ZKSCAN8: variants seen among roughly 807,000 people sequenced by gnomAD.
ZKSCAN8 encodes zinc finger protein with KRAB and SCAN domains 8.
In ZKSCAN8, 27 loss-of-function variants were observed where a neutral mutation model predicts 57.2. The ratio of observed to expected loss-of-function variants is 0.47; its 90% CI spans 0.35 to 0.65. The LOEUF (loss-of-function observed/expected upper bound fraction) is 0.65. ZKSCAN8 is among the 30% of genes least tolerant of loss of function. The pLI is 0.01. For synonymous variants in ZKSCAN8, 214 were observed against 248.7 expected, an observed-to-expected ratio of 0.86 and a Z score of 1.31; for missense variants, 597 against 696.3, an observed-to-expected ratio of 0.86 and a Z score of 1.60.
At chr6:28,145,723 C>T (rs917767211) in intron 1 of ZKSCAN8, among the ~76,000 whole-genome samples, 2 of 152,224 alleles carry the variant, frequency 1.3e-5, no homozygotes, top group Admixed American at 1.3e-4. Context: ...CTTCTGTAGT[C>T]ACTTAGCTCT....
chr6:28,141,681 T>A (rs1765218091), upstream of ZKSCAN8, among the ~76,000 whole-genome samples: 1 of 152,190 alleles, frequency 6.6e-6, no homozygotes, highest in South Asian at 2.1e-4. Context: ...CAAGGTCCGT[T>A]ATTCCCCAGC....
In ZKSCAN8 at chr6:28,153,774, C is replaced by A; in HGVS notation, c.1494C>A (p.Ala498=). The A allele has an allele frequency of 6.2e-7, 1 of 1,613,790 alleles. No individual in the cohort carries two copies. Among genetic ancestry groups the A allele is most frequent in the Non-Finnish European group, 8.5e-7 (1 of 1,179,864 alleles). Residue 498 remains alanine (A), a synonymous_variant, in exon 6 of 6, where the codon GCC becomes GCA. Coordinates refer to ENST00000330236, the MANE Select transcript of ZKSCAN8 (RefSeq NM_006298.4). ...KPYKCNECGR[A]FSQKSGLIEH... ...ACAAATGCAATGAGTGTGGGAGGGC[C>A]TTCAGTCAGAAGTCAGGCCTTATTG...
chr6:28,149,765 G>T (rs878974960), intron 3 of ZKSCAN8, 141 bp downstream of exon 3: 2 of 874,178 alleles, frequency 2.3e-6, no homozygotes, highest in Non-Finnish European at 3.3e-6. Flanking sequence ...AAATGTTTAG[G>T]CTTCAAATAT....
chr6:28,153,661 C>T lies in ZKSCAN8; in HGVS notation c.1381C>T (p.Pro461Ser). Residue 461 changes from proline (P) to serine (S), a missense_variant, in exon 6 of 6, where the codon CCC becomes TCC. Pro to Ser is a moderately conservative substitution (Grantham distance 74). Transcript: ENST00000330236. ...TCAGAGAATCCACACTGGGGAGAAG[C>T]CCTATGAGTGTGATGAGTGTGGGAA... Reference protein sequence around the residue: ...GHQRIHTGEKPYECDECGKTF... With the variant: ...GHQRIHTGEKSYECDECGKTF... 6.2e-7 allele frequency: 1 copy of T among 1,613,760 alleles called. No individual in the cohort carries two copies. The highest frequency in any genetic ancestry group is 8.5e-7 in the Non-Finnish European group (1 of 1,179,932).
At chr6:28,142,779 CAT>C (rs1183120718) in intron 1 of ZKSCAN8, among the ~76,000 whole-genome samples, 3 of 152,152 alleles carry the variant, frequency 2.0e-5, no homozygotes, top group Admixed American at 2.0e-4. Context: ...TTAGCAAATA[CAT>C]ACATGTTTTG....
chr6:28,149,374 G>T, intron 2 of ZKSCAN8, 109 bp from the exon 3 acceptor site: 1 of 1,385,572 alleles, frequency 7.2e-7, no homozygotes, highest in South Asian at 1.4e-5. Context: ...AGATTCTGCT[G>T]CTTCCTTCCC....
At position 28,149,509 on chromosome 6, in the gene ZKSCAN8, G is replaced by A. The variant is rs112243146; in HGVS notation, c.444G>A (p.Arg148=). ...RPVSARVHGH[R]VLWEEVVHSA... Reference sequence around the variant, plus strand: ...TCTCAGCTCGCGTACATGGACATAGGGTACTCTGGGAGGAGGTAGTACATT... The same window carrying A: ...TCTCAGCTCGCGTACATGGACATAGAGTACTCTGGGAGGAGGTAGTACATT... The change falls in exon 3 of 6, where the codon AGG becomes AGA. Residue 148 remains arginine, a synonymous_variant. Transcript: ENST00000330236. The A allele has an allele frequency of 2.6e-3, 4,250 of 1,614,004 alleles. 165 individuals carry two copies. In the South Asian group the frequency reaches 0.042, roughly 16 times the overall value.
At chr6:28,148,125 A>G (rs1321780100) in intron 1 of ZKSCAN8, among the ~76,000 whole-genome samples, 191 bp from the exon 2 acceptor site, 1 of 152,124 alleles carries the variant, frequency 6.6e-6, no homozygotes, top group African/African-American at 2.4e-5. Context: ...GGGTTTTTCT[A>G]TGGATGGGTT....
rs1003540435 is a variant in ZKSCAN8, at chr6:28,148,630, C to T, written c.223C>T (p.Leu75Phe). The change falls in exon 2 of 6, where the codon CTT becomes TTT. Residue 75 changes from leucine to phenylalanine, a missense_variant. Leu to Phe is a conservative substitution (Grantham distance 22). Coordinates refer to ENST00000330236, the MANE Select transcript of ZKSCAN8 (RefSeq NM_006298.4). Reference protein sequence around the residue: ...PREALIQLRALCHQWLRPDLN... With the variant: ...PREALIQLRAFCHQWLRPDLN... The stretch of plus-strand genomic sequence containing the variant: ...AGAAGCTCTGATCCAACTACGGGCC[C>T]TTTGCCATCAGTGGCTGAGGCCAGA... The T allele has an allele frequency of 6.2e-7, 1 of 1,614,128 alleles. No homozygotes were observed. Among genetic ancestry groups the T allele is most frequent in the Non-Finnish European group, 8.5e-7 (1 of 1,180,026 alleles).
chr6:28,152,526 T>A, intron 5 of ZKSCAN8, 142 bp downstream of exon 5: 1 of 1,203,170 alleles, frequency 8.3e-7, no homozygotes, highest in Non-Finnish European at 1.1e-6. Flanking sequence ...TGAGATTTCT[T>A]GAAATCTTAC....
intron 1 of ZKSCAN8, among the ~76,000 whole-genome samples, chr6:28,142,763 A>G (rs1765260907): frequency 6.6e-6 from 1 of 152,206 alleles, no homozygotes; most frequent in South Asian, 2.1e-4. Context: ...CGTAGCAATC[A>G]TTGTTTTAGC....
Position 28,159,403 on chromosome 6 carries a change from G to C in ZKSCAN8, c.*5386G>C, listed in dbSNP as rs1026463249. On this transcript the variant is annotated 3_prime_UTR_variant, in exon 6 of 6. Transcript: ENST00000330236. ...TTTACATTTGTATCTCTGCACCCCC[G>C]AGTGCCTAGTATAGTGCTGAGCACA... 6.6e-6 allele frequency: 1 copy of C among 152,192 alleles called. No homozygotes were observed. Among genetic ancestry groups the C allele is most frequent in the African/African-American group, 2.4e-5 (1 of 41,448 alleles). The allele number at this position is 152,192 out of a possible 1,614,324, so 9.4% of individuals were successfully genotyped here.
Position 28,153,886 on chromosome 6 carries a change from C to T in ZKSCAN8, c.1606C>T (p.His536Tyr). 6.2e-7 allele frequency: 1 copy of T among 1,614,194 alleles called. No homozygotes were observed. The highest frequency in any genetic ancestry group is 8.5e-7 in the Non-Finnish European group (1 of 1,180,026). ...CAATGGGAACACTGGTCTCATTCAA[C>T]ACCTGAGAATTCACACAGGGGAGAA... ...AFNGNTGLIQ[H>Y]LRIHTGEKPY... Residue 536 changes from histidine (H) to tyrosine (Y), a missense_variant, in exon 6 of 6, where the codon CAC (histidine) becomes TAC (tyrosine). By Grantham distance (83) the His-to-Tyr change is moderately conservative. Transcript: ENST00000330236.
chr6:28,148,451 A>G lies in ZKSCAN8; in HGVS notation c.44A>G (p.Asp15Gly), dbSNP rs774732868. The G allele has an allele frequency of 3.1e-6, 5 of 1,614,130 alleles. No homozygotes were observed. Among genetic ancestry groups the G allele is most frequent in the East Asian group, 4.5e-5 (2 of 44,880 alleles). The change falls in exon 2 of 6, where the codon GAC (aspartate) becomes GGC (glycine). Residue 15 changes from aspartate (D) to glycine (G), a missense_variant. Coordinates refer to ENST00000330236, the MANE Select transcript of ZKSCAN8 (RefSeq NM_006298.4). The stretch of plus-strand genomic sequence containing the variant: ...AAGCCTTCAGCCCCATCCCCACCAG[A>G]CCAGACTCCTGAAGAGGATCTTGTA... Reference protein sequence around the residue: ...SRKPSAPSPPDQTPEEDLVIV... With the variant: ...SRKPSAPSPPGQTPEEDLVIV...
intron 3 of ZKSCAN8, among the ~76,000 whole-genome samples, chr6:28,151,638 G>A (rs772110235): frequency 2.0e-5 from 3 of 152,220 alleles, no homozygotes; most frequent in African/African-American, 4.8e-5. Context: ...TGTAACTTCA[G>A]TCTGACTTCA....
rs1035873813 is a variant in ZKSCAN8, at chr6:28,156,213, GCTTCT to G, written c.*2202_*2206del. 19 of 398,154 alleles carry G rather than the reference GCTTCT, an allele frequency of 4.8e-5. No individual in the cohort carries two copies. The highest frequency in any genetic ancestry group is 3.5e-4 in the African/African-American group (17 of 48,558). The allele number at this position is 398,154 out of a possible 1,614,324, so 24.7% of individuals were successfully genotyped here. A position where few individuals can be genotyped will look rare whatever the true frequency, so the allele number is the denominator to read the frequency against. On this transcript the variant is annotated 3_prime_UTR_variant, in exon 6 of 6. Coordinates refer to ENST00000330236, the MANE Select transcript of ZKSCAN8 (RefSeq NM_006298.4). ...CACCTGCCATACACTTTAGAAGAAC[GCTTCT>G]CTTCTATTCCAATAAAAAGTCCTTT...
rs1453731944 is a variant in ZKSCAN8 at position 28,155,500 on chromosome 6, T to G, written c.*1483T>G. 1.3e-5 allele frequency: 2 copies of G among 152,200 alleles called. No individual in the cohort carries two copies. The highest frequency in any genetic ancestry group is 4.8e-5 in the African/African-American group (2 of 41,452). The allele number at this position is 152,200 out of a possible 1,614,324, so 9.4% of individuals were successfully genotyped here. ...CATATGAGAAAACCCTCTATTACTC[T>G]TACACTTTAGTTTTACCATTTGAGT... On this transcript the variant is annotated 3_prime_UTR_variant, in exon 6 of 6. Transcript: ENST00000330236.
intron 2 of ZKSCAN8, among the ~76,000 whole-genome samples, 199 bp downstream of exon 2, chr6:28,149,023 A>C (rs1187230064): frequency 2.0e-5 from 3 of 152,216 alleles, no homozygotes; most frequent in Non-Finnish European, 4.4e-5. Context: ...TTTTGTCGTC[A>C]TAACATCCCT....
At chr6:28,147,254 G>A (rs1252805530) in intron 1 of ZKSCAN8, among the ~76,000 whole-genome samples, 5 of 151,614 alleles carry the variant, frequency 3.3e-5, no homozygotes, top group Non-Finnish European at 7.4e-5. Flanking sequence ...TGTTAAATAA[G>A]CACATAAAAA....
Sources: allele counts gnomAD v4.1 joint callset (sites outside exome capture counted in the v4.1 genomes callset), GRCh38; gene constraint gnomAD v4.1.1; transcripts MANE v1.5; gene names NCBI Gene and HGNC (gene_info 2026-07-23, HGNC 2026-07-21).